KAZN: variants seen among roughly 807,000 people sequenced by gnomAD.
KAZN encodes the protein kazrin, periplakin interacting protein.
KAZN carries 40 observed loss-of-function variants against 87.4 expected under a neutral mutation model. The ratio of observed to expected loss-of-function variants is 0.46; its 90% CI spans 0.36 to 0.60. The LOEUF (loss-of-function observed/expected upper bound fraction) is 0.60. KAZN is among the 20% of genes least tolerant of loss of function. The probability of loss-of-function intolerance (pLI) is 0.00; values close to 1 mark genes in which losing one functional copy is unlikely to be tolerated. For missense variants in KAZN, 898 were observed against 1,073.9 expected, an observed-to-expected ratio of 0.84 and a Z score of 2.29; for synonymous variants, 466 against 458.3, an observed-to-expected ratio of 1.02 and a Z score of -0.22.
chr1:14,452,025 C>T (rs553282551), intron 2 of KAZN, among the ~76,000 whole-genome samples: 29 of 152,278 alleles, frequency 1.9e-4, no homozygotes, highest in South Asian at 1.9e-3. Context: ...CTGCAGCCTC[C>T]GTCTCCTGGA....
intron 1 of KAZN, among the ~76,000 whole-genome samples, chr1:13,960,440 C>T (rs1641707519): frequency 6.6e-6 from 1 of 152,158 alleles, no homozygotes. Context: ...GTAATGCCAG[C>T]ACTAGTCCCA....
chr1:14,139,009 C>T (rs1645173398), intron 1 of KAZN, among the ~76,000 whole-genome samples: 1 of 152,206 alleles, frequency 6.6e-6, no homozygotes, highest in African/African-American at 2.4e-5. Flanking sequence ...GGCTGGCCTT[C>T]CCAGAAAAGC....
chr1:14,279,532 T>C (rs1039838684), intron 2 of KAZN, among the ~76,000 whole-genome samples: 1 of 152,222 alleles, frequency 6.6e-6, no homozygotes, highest in East Asian at 1.9e-4. Context: ...AGTGCAGTAC[T>C]ATCAGGGGTC....
In KAZN at chr1:15,096,198, G is replaced by T. The variant is rs1351438550; in HGVS notation, c.1547+1265G>T. ...GCCCCCTTACCCCACACCCAGCAGG[G>T]TCCATAAACACTGCCTGTGTTCAAT... On this transcript the variant is annotated intron_variant, in intron 10 of 14. Transcript: ENST00000376030. This position sits in a 1 kb window ranked among gnomAD's most constrained non-coding sequence, Gnocchi z 4.5. 6.6e-6 allele frequency among the ~76,000 whole-genome samples: 1 copy of T among 152,134 alleles called. No individual in the cohort carries two copies. The highest frequency in any genetic ancestry group is 6.5e-5 in the Admixed American group (1 of 15,276).
At chr1:13,893,638 G>T (rs763745850) in exon 1 of KAZN, 2 of 1,549,818 alleles carry the variant, frequency 1.3e-6, no homozygotes, top group South Asian at 1.2e-5. Flanking sequence ...GCTGCCACAT[G>T]ACCAACACCA....
chr1:13,906,588 T>C (rs1393814472), intron 1 of KAZN, among the ~76,000 whole-genome samples: 1 of 152,214 alleles, frequency 6.6e-6, no homozygotes, highest in Non-Finnish European at 1.5e-5. Flanking sequence ...GGCTTCCATA[T>C]ATGTGTGATC....
intron 1 of KAZN, among the ~76,000 whole-genome samples, chr1:14,809,813 A>T (rs1486958864): frequency 6.6e-6 from 1 of 151,944 alleles, no homozygotes; most frequent in East Asian, 1.9e-4. Context: ...GTCTGATGTC[A>T]CCCCATCACA....
chr1:14,338,217 T>TAATC (rs1264365085), intron 2 of KAZN, among the ~76,000 whole-genome samples: 1 of 151,984 alleles, frequency 6.6e-6, no homozygotes, highest in Non-Finnish European at 1.5e-5. Flanking sequence ...CTCACACCTG[T>TAATC]AATCCCAACA....
intron 1 of KAZN, among the ~76,000 whole-genome samples, chr1:14,717,838 G>A (rs1642878216): frequency 6.6e-6 from 1 of 152,188 alleles, no homozygotes; most frequent in Admixed American, 6.5e-5. Flanking sequence ...GGGCCTTGAT[G>A]CAATGTGGAT....
At chr1:14,878,005 T>C (rs1301125912) in intron 1 of KAZN, among the ~76,000 whole-genome samples, 2 of 152,114 alleles carry the variant, frequency 1.3e-5, no homozygotes, top group Non-Finnish European at 2.9e-5. Flanking sequence ...TTGTACAAAG[T>C]GGCAAAGTGG....
chr1:14,640,288 T>A (rs1680321436), intron 1 of KAZN, among the ~76,000 whole-genome samples: 1 of 152,228 alleles, frequency 6.6e-6, no homozygotes, highest in African/African-American at 2.4e-5. Context: ...GCTCTGATAC[T>A]ATTGATTCCA....
intron 2 of KAZN, among the ~76,000 whole-genome samples, chr1:14,197,237 A>G (rs537995671): frequency 2.6e-5 from 4 of 152,240 alleles, no homozygotes; most frequent in Middle Eastern, 3.4e-3. Flanking sequence ...TAAACAGAGC[A>G]TATCATGTGT....
chr1:14,320,695 C>T (rs1215753629), intron 2 of KAZN, among the ~76,000 whole-genome samples: 1 of 152,186 alleles, frequency 6.6e-6, no homozygotes, highest in African/African-American at 2.4e-5. Flanking sequence ...TCTGTATTTG[C>T]ATTTAAATAC....
intron 2 of KAZN, among the ~76,000 whole-genome samples, chr1:14,457,818 T>G: frequency 6.7e-6 from 1 of 149,018 alleles, no homozygotes; most frequent in African/African-American, 2.5e-5. Context: ...TGTTGTTTTT[T>G]GTTTTGTTTT....
chr1:14,792,316 T>G (rs1312614907), intron 1 of KAZN, among the ~76,000 whole-genome samples: 1 of 152,088 alleles, frequency 6.6e-6, no homozygotes, highest in Non-Finnish European at 1.5e-5. Context: ...AGCTGGAAGG[T>G]GCAAAAAACC....
chr1:14,200,657 A>G (rs1390028469), intron 2 of KAZN, among the ~76,000 whole-genome samples: 1 of 152,198 alleles, frequency 6.6e-6, no homozygotes, highest in Non-Finnish European at 1.5e-5. Context: ...TTTGTGAAGC[A>G]AGTGCAATTG....
Position 15,034,792 on chromosome 1 carries a change from C to G in KAZN, c.462C>G (p.Asp154Glu), listed in dbSNP as rs1393178259. 1 of 1,614,168 alleles carries G rather than the reference C, an allele frequency of 6.2e-7. No homozygotes were observed. The highest frequency in any genetic ancestry group is 8.5e-7 in the Non-Finnish European group (1 of 1,180,026). ...AGCGCTTAAAGGGCGAGAAGACAGA[C>G]CTGGTGAGCCAGATGCAGCAGCTGT... ...DRKRLKGEKT[D>E]LVSQMQQLYA... The change falls in exon 3 of 15, where the codon GAC becomes GAG. Residue 154 changes from aspartate to glutamate, a missense_variant. Around this residue, in one of 3 missense-constraint regions of KAZN, gnomAD observed 250 missense variants for 263.0 expected, o/e 0.95. Transcript: ENST00000376030.
intron 1 of KAZN, among the ~76,000 whole-genome samples, chr1:14,088,167 AG>A (rs1185214252): frequency 6.6e-6 from 1 of 151,642 alleles, no homozygotes; most frequent in African/African-American, 2.4e-5. Flanking sequence ...TTCTTAGATA[AG>A]CTTTTAGCTT....
chr1:15,026,907 C>G (rs1402060384), intron 2 of KAZN, among the ~76,000 whole-genome samples: 1 of 151,828 alleles, frequency 6.6e-6, no homozygotes, highest in Non-Finnish European at 1.5e-5. Flanking sequence ...TTTGCAAATA[C>G]TATGTTTCAT....
Sources: gnomAD v4.1 joint callset for allele counts (sites outside exome capture counted in the v4.1 genomes callset) on GRCh38, gnomAD v4.1.1 for gene constraint, gnomAD v4.1.1 regional missense constraint, Gnocchi (gnomAD v3.1) non-coding constraint, MANE v1.5 for transcripts, NCBI Gene and HGNC (gene_info 2026-07-23, HGNC 2026-07-21) for gene names.